Variants in FBF1 observed in about 807,000 individuals in gnomAD.
The protein encoded by FBF1 is Fas binding factor 1.
A neutral mutation model predicts 147.2 loss-of-function variants in FBF1; 119 were observed. The observed-to-expected ratio is 0.81, with a 90% CI of 0.70 to 0.94. The LOEUF (loss-of-function observed/expected upper bound fraction) is 0.94. Among genes scored for constraint, FBF1 ranks in the 40% least tolerant of loss-of-function variants. The pLI is 0.00. For missense variants in FBF1, 1,449 were observed against 1,500.8 expected, an observed-to-expected ratio of 0.97 and a Z score of 0.57; for synonymous variants, 601 against 609.0, an observed-to-expected ratio of 0.99 and a Z score of 0.19.
At chr17:75,937,044 G>A (rs1345322829) in intron 3 of FBF1, among the ~76,000 whole-genome samples, 1 of 152,074 alleles carries the variant, frequency 6.6e-6, no homozygotes, top group African/African-American at 2.4e-5. Flanking sequence ...CAGAGCCCAA[G>A]GAGGAGGATT....
At chr17:75,921,192 T>A in intron 17 of FBF1, 52 bp downstream of exon 17, 1 of 1,534,112 alleles carries the variant, frequency 6.5e-7, no homozygotes, top group East Asian at 2.4e-5. Flanking sequence ...CCCCTGGGCA[T>A]GGAGAATTGC....
Position 75,918,564 on chromosome 17 carries a change from C to G in FBF1, c.2139-295G>C, listed in dbSNP as rs945375778. On this transcript the variant is annotated intron_variant, in intron 20 of 29. Transcript: ENST00000636174. This position sits in a 1 kb window ranked among gnomAD's most constrained non-coding sequence, Gnocchi z 5.8. ...CCAGGCTGGAGTTCAGTGGCATGAT[C>G]TCGGCTCACTGCAACCTCTGCCTCC... Among the ~76,000 whole-genome samples, 3 of 151,996 alleles carry G rather than the reference C, an allele frequency of 2.0e-5. No individual in the cohort carries two copies. The highest frequency in any genetic ancestry group is 7.3e-5 in the African/African-American group (3 of 41,366).
chr17:75,919,944 C>T lies in FBF1; in HGVS notation c.1931+63G>A, dbSNP rs1025621489. ...TGCCGCCTAAAGGCCTCTCCAGGCA[C>T]ACTGGGTGGCCTTTGGGGTCAGTGT... On this transcript the variant is annotated intron_variant, in intron 19 of 29. Transcript: ENST00000636174. The surrounding 1 kb of genome is among the most constrained non-coding windows in gnomAD (Gnocchi z 5.0). The T allele has an allele frequency of 8.1e-6, 13 of 1,610,970 alleles. No homozygotes were observed. Among genetic ancestry groups the T allele is most frequent in the African/African-American group, 4.0e-5 (3 of 74,898 alleles).
Position 75,910,388 on chromosome 17 carries a change from G to T in FBF1, c.*335C>A. On this transcript the variant is annotated 3_prime_UTR_variant, in exon 30 of 30. Transcript: ENST00000636174. The surrounding 1 kb of genome is among the most constrained non-coding windows in gnomAD (Gnocchi z 4.1). ...CCACAACAGTCTACCTGTGGAGCAG[G>T]GGGAGCCCACAGAGCCCAGGGGGAG... 2.8e-6 allele frequency: 1 copy of T among 359,894 alleles called. No individual in the cohort carries two copies. Among genetic ancestry groups the T allele is most frequent in the Admixed American group, 4.2e-5 (1 of 23,818 alleles). 22.3% of individuals were successfully genotyped at this position (359,894 alleles called of 1,614,324 possible).
In FBF1 at chr17:75,926,408, G is replaced by C. The variant is rs369040270; in HGVS notation, c.614C>G (p.Thr205Ser). Residue 205 changes from threonine (T) to serine (S), a missense_variant, in exon 11 of 30, where the codon ACT becomes AGT. By Grantham distance (58) the Thr-to-Ser change is moderately conservative. Coordinates refer to ENST00000636174, the MANE Select transcript of FBF1 (RefSeq NM_001319193.2). ...VRDQGPSIPL[T>S]PGDTPIRKKE... is the part of the protein sequence containing the mutation. ...TTTTCGGATGGGGGTGTCCCCAGGAGTTAGAGGAATAGAGGGACCTGAAAG... is the reference window on the plus strand; with the variant it reads ...TTTTCGGATGGGGGTGTCCCCAGGACTTAGAGGAATAGAGGGACCTGAAAG... 13 of 1,587,448 alleles carry C rather than the reference G, an allele frequency of 8.2e-6. No individual in the cohort carries two copies. In the African/African-American group the frequency reaches 1.5e-4, roughly 18 times the overall value.
rs981530055 is a variant in FBF1, at chr17:75,921,554, A to G, written c.1533T>C (p.Pro511=). The change falls in exon 16 of 30, where the codon CCT becomes CCC. Residue 511 remains proline, a synonymous_variant. Coordinates refer to ENST00000636174, the MANE Select transcript of FBF1 (RefSeq NM_001319193.2). ...PCVRPGVSGS[P]VTQNHAASAL... is the part of the protein sequence containing the mutation. The stretch of plus-strand genomic sequence containing the variant: ...CTGAGGCGGCATGGTTCTGAGTCAC[A>G]GGGGACCTGAGGACACAGGGATGGG... 1.9e-6 allele frequency: 3 copies of G among 1,547,278 alleles called. No homozygotes were observed. Among genetic ancestry groups the G allele is most frequent in the African/African-American group, 2.8e-5 (2 of 71,782 alleles).
rs978087464 is a variant in FBF1, at chr17:75,918,787, C to T, written c.2139-518G>A. Among the ~76,000 whole-genome samples, 14 of 151,036 alleles carry T rather than the reference C, an allele frequency of 9.3e-5. No individual in the cohort carries two copies. The highest frequency in any genetic ancestry group is 2.1e-4 in the South Asian group (1 of 4,794). ...GATTACAGGTGTGAGCCACCACGCC[C>T]GGCCCCAAGCAGTCTTTCTTTTTTT... On this transcript the variant is annotated intron_variant, in intron 20 of 29. Coordinates refer to ENST00000636174, the MANE Select transcript of FBF1 (RefSeq NM_001319193.2). The surrounding 1 kb of genome is among the most constrained non-coding windows in gnomAD (Gnocchi z 5.8).
rs993688315 is a variant in FBF1 at position 75,918,374 on chromosome 17, C to T, written c.2139-105G>A. 4.4e-5 allele frequency: 39 copies of T among 895,614 alleles called. No individual in the cohort carries two copies. The highest frequency in any genetic ancestry group is 5.9e-5 in the Non-Finnish European group (35 of 592,042). 55.5% of individuals were successfully genotyped at this position (895,614 alleles called of 1,614,324 possible). ...TTCCGTGCAGCCCTTGCTCCCAGGCCTCTCCTCCGCCGGGCACTGCCTCAG... is the reference window on the plus strand; with the variant it reads ...TTCCGTGCAGCCCTTGCTCCCAGGCTTCTCCTCCGCCGGGCACTGCCTCAG... On this transcript the variant is annotated intron_variant, in intron 20 of 29. Transcript: ENST00000636174. The surrounding 1 kb of genome is among the most constrained non-coding windows in gnomAD (Gnocchi z 5.8).
At position 75,914,941 on chromosome 17, in the gene FBF1, TG is replaced by T; in HGVS notation, c.2629-10del. On this transcript the variant is annotated splice_polypyrimidine_tract_variant and intron_variant, in intron 24 of 29. Transcript: ENST00000636174. Reference sequence around the variant, plus strand: ...TCCTCCAGCAAGGCGCTCTGGGATGTGGGGGTGAAGGCACGGGGTGAGTGTC... The same window carrying T: ...TCCTCCAGCAAGGCGCTCTGGGATGTGGGGTGAAGGCACGGGGTGAGTGTC... The T allele has an allele frequency of 6.2e-7, 1 of 1,611,268 alleles. No individual in the cohort carries two copies. The highest frequency in any genetic ancestry group is 8.5e-7 in the Non-Finnish European group (1 of 1,178,622).
At position 75,914,902 on chromosome 17, in the gene FBF1, T is replaced by A. The variant is rs376953918; in HGVS notation, c.2659A>T (p.Met887Leu). 1.9e-6 allele frequency: 3 copies of A among 1,611,742 alleles called. No homozygotes were observed. The highest frequency in any genetic ancestry group is 2.5e-6 in the Non-Finnish European group (3 of 1,179,200). Reference sequence around the variant, plus strand: ...CGCCGCTCCTCCCCGCACTTGAGCATGACAGACTTCTGCTCCTCCAGCAAG... The same window carrying A: ...CGCCGCTCCTCCCCGCACTTGAGCAAGACAGACTTCTGCTCCTCCAGCAAG... ...SALLEEQKSV[M>L]LKCGEERRRL... The change falls in exon 25 of 30, where the codon ATG (methionine) becomes TTG (leucine). Residue 887 changes from methionine (M) to leucine (L), a missense_variant. Coordinates refer to ENST00000636174, the MANE Select transcript of FBF1 (RefSeq NM_001319193.2).
At position 75,933,086 on chromosome 17, in the gene FBF1, T is replaced by A. The variant is rs1208091027; in HGVS notation, c.76A>T (p.Thr26Ser). 6.3e-7 allele frequency: 1 copy of A among 1,598,340 alleles called. No individual in the cohort carries two copies. The highest frequency in any genetic ancestry group is 8.6e-7 in the Non-Finnish European group (1 of 1,167,738). Residue 26 changes from threonine (T) to serine (S), a missense_variant and splice_region_variant, in exon 5 of 30, where the codon ACA becomes TCA. Coordinates refer to ENST00000636174, the MANE Select transcript of FBF1 (RefSeq NM_001319193.2). ...AGTTTAACAGGCTTCTCAGGTAGTG[T>A]CACTGGAAAAAAAGAAAAGAGAAAA... ...FLGDLLGDDMTLPEKPVKLAS... is the reference protein window; with the variant it reads ...FLGDLLGDDMSLPEKPVKLAS...
chr17:75,931,727 G>A (rs944887913), intron 5 of FBF1, among the ~76,000 whole-genome samples: 2 of 151,912 alleles, frequency 1.3e-5, no homozygotes, highest in Admixed American at 6.6e-5. Flanking sequence ...AGGCTGCAAT[G>A]AGCTGACATT....
chr17:75,914,181 T>A lies in FBF1; in HGVS notation c.2932A>T (p.Ile978Phe). The change falls in exon 26 of 30, where the codon ATC (isoleucine) becomes TTC (phenylalanine). Residue 978 changes from isoleucine to phenylalanine, a missense_variant. By Grantham distance (21) the Ile-to-Phe change is conservative. Transcript: ENST00000636174. Reference sequence around the variant, plus strand: ...TTGACACGCAGGGCGGTGGCGTTGATCCTCTCCTTCTCCAGCCGCAGCTCC... The same window carrying A: ...TTGACACGCAGGGCGGTGGCGTTGAACCTCTCCTTCTCCAGCCGCAGCTCC... The part of the protein sequence containing the change: ...RQELRLEKER[I>F]NATALRVKLR... The A allele has an allele frequency of 6.3e-7, 1 of 1,596,080 alleles. No individual in the cohort carries two copies. The highest frequency in any genetic ancestry group is 8.5e-7 in the Non-Finnish European group (1 of 1,174,062).
In FBF1 at chr17:75,918,312, T is replaced by G. The variant is rs1224656589; in HGVS notation, c.2139-43A>C. Reference sequence around the variant, plus strand: ...GGGAAGGCGGTCACTCTGAGCTGGATCACCCTGATGCGGTAACTCCTTGTG... The same window carrying G: ...GGGAAGGCGGTCACTCTGAGCTGGAGCACCCTGATGCGGTAACTCCTTGTG... On this transcript the variant is annotated intron_variant, in intron 20 of 29. Coordinates refer to ENST00000636174, the MANE Select transcript of FBF1 (RefSeq NM_001319193.2). The surrounding 1 kb of genome is among the most constrained non-coding windows in gnomAD (Gnocchi z 5.8). 2 of 1,537,188 alleles carry G rather than the reference T, an allele frequency of 1.3e-6. No individual in the cohort carries two copies. Among genetic ancestry groups the G allele is most frequent in the Non-Finnish European group, 1.8e-6 (2 of 1,118,258 alleles).
Position 75,920,318 on chromosome 17 carries a change from C to T in FBF1, c.1786G>A (p.Glu596Lys), listed in dbSNP as rs368013016. ...LQCSPAELQA[E>K]LLHSQARLAE... The stretch of plus-strand genomic sequence containing the variant: ...AGCCGGGCCTGGCTATGCAGCAGCT[C>T]GGCCTGGAGCTCAGCGGGGCTGCAC... The change falls in exon 18 of 30, where the codon GAG becomes AAG. Residue 596 changes from glutamate to lysine, a missense_variant. Coordinates refer to ENST00000636174, the MANE Select transcript of FBF1 (RefSeq NM_001319193.2). 1.5e-4 allele frequency: 236 copies of T among 1,611,150 alleles called. 4 individuals are homozygous for T. The highest frequency in any genetic ancestry group is 9.9e-4 in the Admixed American group (59 of 59,840).
chr17:75,931,428 G>T (rs2065594066), intron 5 of FBF1, 139 bp from the exon 6 acceptor site: 1 of 678,898 alleles, frequency 1.5e-6, no homozygotes. Flanking sequence ...GAATGTCACA[G>T]GCCACCTGAT....
chr17:75,938,576 A>AG (rs1555614637), intron 1 of FBF1, among the ~76,000 whole-genome samples: 22 of 150,456 alleles, frequency 1.5e-4, no homozygotes, highest in African/African-American at 5.1e-4. Context: ...AAAAAAAAAA[A>AG]AGAGACCGGG....
At chr17:75,917,415 C>T (rs73354094) in intron 23 of FBF1, among the ~76,000 whole-genome samples, 4,612 of 152,318 alleles carry the variant, frequency 0.03, 224 homozygotes, top group African/African-American at 0.1. Context: ...GTGACAGATT[C>T]GAGTGTCAGG....
At position 75,929,992 on chromosome 17, in the gene FBF1, C is replaced by T. The variant is rs765662501; in HGVS notation, c.279+5G>A. ...TTCTAAGAATCGTGCAAGCTGTTTC[C>T]TTACCTTCATGGCCTGGAGCAGAGC... On this transcript the variant is annotated splice_donor_5th_base_variant and intron_variant, in intron 7 of 29. Transcript: ENST00000636174. 2 of 1,203,482 alleles carry T rather than the reference C, an allele frequency of 1.7e-6. No individual in the cohort carries two copies. Among genetic ancestry groups the T allele is most frequent in the South Asian group, 2.5e-5 (2 of 79,006 alleles). The allele number at this position is 1,203,482 out of a possible 1,614,324, so 74.6% of individuals were successfully genotyped here.
Sources: allele counts gnomAD v4.1 joint callset (sites outside exome capture counted in the v4.1 genomes callset), GRCh38; gene constraint gnomAD v4.1.1; non-coding constraint Gnocchi (gnomAD v3.1); transcripts MANE v1.5; gene names NCBI Gene and HGNC (gene_info 2026-07-23, HGNC 2026-07-21).